The following GAS2 variants were observed in gnomAD, a reference collection of about 807,000 sequenced individuals.
GAS2 encodes the protein growth arrest-specific protein 2.
In GAS2, 20 loss-of-function variants were observed where a neutral mutation model predicts 37.5. The observed-to-expected ratio is 0.53, with a 90% confidence interval of 0.37 to 0.77. The LOEUF is 0.77. Among genes scored for constraint, GAS2 ranks in the 30% least tolerant of loss-of-function variants. The pLI, the probability that GAS2 is intolerant of heterozygous loss-of-function variation, is 0.00. For missense variants in GAS2, 336 were observed against 373.4 expected, an observed-to-expected ratio of 0.90 and a Z score of 0.82; for synonymous variants, 144 against 132.2, an observed-to-expected ratio of 1.09 and a Z score of -0.61.
At chr11:22,719,884 C>T (rs1287273643) in intron 3 of GAS2, among the ~76,000 whole-genome samples, 1 of 151,960 alleles carries the variant, frequency 6.6e-6, no homozygotes, top group Non-Finnish European at 1.5e-5. Context: ...TGGTTGTTTC[C>T]AACGAACAGA....
chr11:22,800,233 G>A (rs989448611), intron 7 of GAS2, among the ~76,000 whole-genome samples: 6 of 152,082 alleles, frequency 3.9e-5, no homozygotes, highest in African/African-American at 1.4e-4. Context: ...GATGAGGGTA[G>A]AAGTAAAAGA....
intron 7 of GAS2, among the ~76,000 whole-genome samples, chr11:22,802,081 A>G (rs1856687428): frequency 1.3e-5 from 2 of 152,234 alleles, no homozygotes; most frequent in Admixed American, 1.3e-4. Flanking sequence ...GTGTATCATT[A>G]ATAGAAACAA....
chr11:22,646,633 G>A (rs946643564), intron 1 of GAS2, among the ~76,000 whole-genome samples: 1 of 152,150 alleles, frequency 6.6e-6, no homozygotes, highest in African/African-American at 2.4e-5. Context: ...TTTTGAGAAA[G>A]GCACGGTATT....
chr11:22,730,775 T>C lies in GAS2; in HGVS notation c.409+4342T>C, dbSNP rs1264335311. Reference sequence around the variant, plus strand: ...TTAGTTGTAGAGTTAAAAATATATATAGCTATAGAAGGCTCTAGGTGTGAA... The same window carrying C: ...TTAGTTGTAGAGTTAAAAATATATACAGCTATAGAAGGCTCTAGGTGTGAA... On this transcript the variant is annotated intron_variant, in intron 4 of 7. Coordinates refer to ENST00000454584, the MANE Select transcript of GAS2 (RefSeq NM_001143830.3). 2.0e-5 allele frequency among the ~76,000 whole-genome samples: 3 copies of C among 151,864 alleles called. No individual in the cohort carries two copies. In the East Asian group the frequency reaches 5.8e-4, roughly 29 times the overall value.
chr11:22,773,147 C>A (rs1381202671), intron 7 of GAS2, among the ~76,000 whole-genome samples: 1 of 152,046 alleles, frequency 6.6e-6, no homozygotes, highest in Non-Finnish European at 1.5e-5. Flanking sequence ...CTTTCTCCTC[C>A]TAGAGGCTGC....
intron 7 of GAS2, among the ~76,000 whole-genome samples, chr11:22,786,322 T>A (rs985108443): frequency 6.6e-6 from 1 of 152,138 alleles, no homozygotes; most frequent in Non-Finnish European, 1.5e-5. Flanking sequence ...GAAATACTGG[T>A]AAAAATTACT....
intron 7 of GAS2, 36 bp downstream of exon 7, chr11:22,755,989 G>A (rs866021297): frequency 2.1e-6 from 3 of 1,423,432 alleles, no homozygotes; most frequent in South Asian, 1.2e-5. Context: ...TGTTTTTATG[G>A]GAAGATTCAG....
At chr11:22,740,802 C>T (rs558870343) in intron 5 of GAS2, among the ~76,000 whole-genome samples, 5 of 152,246 alleles carry the variant, frequency 3.3e-5, no homozygotes, top group East Asian at 3.9e-4. Context: ...TTGTGCTTCT[C>T]ACAGACCCAT....
rs143328029 is a variant in GAS2 at position 22,765,815 on chromosome 11, T to G, written c.723+9862T>G. ...AAAAGACAGACCTGAGATTGAGTAATTATAAAGAATATAGGTTTAATTGGC... is the reference window on the plus strand; with the variant it reads ...AAAAGACAGACCTGAGATTGAGTAAGTATAAAGAATATAGGTTTAATTGGC... On this transcript the variant is annotated intron_variant, in intron 7 of 7. Coordinates refer to ENST00000454584, the MANE Select transcript of GAS2 (RefSeq NM_001143830.3). Among the ~76,000 whole-genome samples, 39 of 151,550 alleles carry G rather than the reference T, an allele frequency of 2.6e-4. No homozygotes were observed. The East Asian group carries it at 7.0e-3, about 27-fold the overall frequency.
At chr11:22,784,672 C>A (rs932272945) in intron 7 of GAS2, among the ~76,000 whole-genome samples, 1 of 152,140 alleles carries the variant, frequency 6.6e-6, no homozygotes, top group African/African-American at 2.4e-5. Context: ...ATTGTATATG[C>A]TCCAAGATGA....
intron 3 of GAS2, among the ~76,000 whole-genome samples, chr11:22,722,285 C>G (rs1043538639): frequency 6.6e-6 from 1 of 151,882 alleles, no homozygotes; most frequent in African/African-American, 2.4e-5. Flanking sequence ...GTCAATCAAC[C>G]AATGTATAAG....
In GAS2 at chr11:22,742,972, A is replaced by T. The variant is rs1034602982; in HGVS notation, c.473+5204A>T. 2.0e-5 allele frequency among the ~76,000 whole-genome samples: 3 copies of T among 152,078 alleles called. No homozygotes were observed. In the East Asian group the frequency reaches 5.8e-4, roughly 29 times the overall value. On this transcript the variant is annotated intron_variant, in intron 5 of 7. Transcript: ENST00000454584. ...GCTGTGACTTCTCACGTCTTAAGTT[A>T]CTCTAGCCTCACTACCAAGTTTATG...
chr11:22,653,082 C>CTCCTTCCTTCCT (rs67510700), intron 1 of GAS2, among the ~76,000 whole-genome samples: 1 of 115,132 alleles, frequency 8.7e-6, no homozygotes, highest in Non-Finnish European at 1.9e-5. Context: ...TTCTCTCTCT[C>CTCCTTCCTTCCT]TCCTTCCTTC....
At chr11:22,758,770 G>T (rs1017986420) in intron 7 of GAS2, among the ~76,000 whole-genome samples, 12 of 151,900 alleles carry the variant, frequency 7.9e-5, no homozygotes, top group African/African-American at 2.9e-4. Context: ...AAAATTAGCT[G>T]GGCTTGGTGG....
chr11:22,666,338 G>C (rs1025193738), upstream of GAS2, among the ~76,000 whole-genome samples: 19 of 152,192 alleles, frequency 1.2e-4, no homozygotes, highest in African/African-American at 4.1e-4. Context: ...TCGTGCCTCC[G>C]TCTGCAAAAT....
chr11:22,732,439 T>A (rs1215558610), intron 4 of GAS2, among the ~76,000 whole-genome samples: 1 of 151,804 alleles, frequency 6.6e-6, no homozygotes, highest in African/African-American at 2.4e-5. Context: ...TAAATCATTC[T>A]TACTGGTGAT....
At chr11:22,787,986 T>A (rs987266666) in intron 7 of GAS2, among the ~76,000 whole-genome samples, 1 of 152,240 alleles carries the variant, frequency 6.6e-6, no homozygotes, top group Non-Finnish European at 1.5e-5. Context: ...GGCTTCTTGC[T>A]TGTCATGTAG....
chr11:22,715,888 CA>C (rs200463783), intron 3 of GAS2, among the ~76,000 whole-genome samples: 6 of 149,658 alleles, frequency 4.0e-5, no homozygotes, highest in Admixed American at 6.7e-5. Flanking sequence ...AAGAACATAA[CA>C]AAAAAAAAGA....
intron 1 of GAS2, among the ~76,000 whole-genome samples, chr11:22,658,658 A>G (rs956568910): frequency 6.6e-6 from 1 of 152,248 alleles, no homozygotes; most frequent in African/African-American, 2.4e-5. Flanking sequence ...AATAATGAAC[A>G]CGAATGATGT....
Sources: allele counts gnomAD v4.1 joint callset (sites outside exome capture counted in the v4.1 genomes callset), GRCh38; gene constraint gnomAD v4.1.1; transcripts MANE v1.5; gene names NCBI Gene and HGNC (gene_info 2026-07-23, HGNC 2026-07-21).